The following DDX52 variants were observed in gnomAD, a reference collection of about 807,000 sequenced individuals.
The protein encoded by DDX52 is DExD-box helicase 52, also known as probable ATP-dependent RNA helicase DDX52.
Under a neutral mutation model 76.1 loss-of-function variants are expected in DDX52, and 59 were observed. The observed-to-expected ratio is 0.78, with a 90% CI of 0.63 to 0.96. The LOEUF (loss-of-function observed/expected upper bound fraction) is 0.96. Ranked by LOEUF, DDX52 falls within the 40% of genes least tolerant of loss-of-function variation. DDX52 has a pLI of 0.00. For synonymous variants in DDX52, 231 were observed against 244.1 expected (o/e 0.95, Z 0.50); for missense variants, 707 against 703.9 (o/e 1.00, Z -0.05).
At chr17:37,616,219 G>A (rs546904226) in intron 14 of DDX52, among the ~76,000 whole-genome samples, 1 of 152,268 alleles carries the variant, frequency 6.6e-6, no homozygotes, top group Admixed American at 6.5e-5. Context: ...CAGTTCTGAT[G>A]TGACCCACTC....
At chr17:37,640,688 A>G (rs1269063619) in intron 2 of DDX52, among the ~76,000 whole-genome samples, 4 of 61,112 alleles carry the variant, frequency 6.5e-5, no homozygotes, top group Non-Finnish European at 7.6e-5. Flanking sequence ...ACAGTACAAG[A>G]AAAAAAAAAA....
intron 5 of DDX52, among the ~76,000 whole-genome samples, chr17:37,629,080 G>A (rs557643826): frequency 8.2e-4 from 125 of 151,900 alleles, no homozygotes; most frequent in African/African-American, 3.0e-3. Flanking sequence ...AATTAGCCAG[G>A]TGTGATGGTG....
chr17:37,636,027 C>G (rs1189477196), intron 2 of DDX52, among the ~76,000 whole-genome samples: 1 of 152,138 alleles, frequency 6.6e-6, no homozygotes, highest in Non-Finnish European at 1.5e-5. Flanking sequence ...ATACATTTTG[C>G]AAATATTTTC....
chr17:37,621,961 T>C (rs528609713), intron 9 of DDX52, among the ~76,000 whole-genome samples: 105 of 152,306 alleles, frequency 6.9e-4, no homozygotes, highest in African/African-American at 2.5e-3. Flanking sequence ...CACAGATATA[T>C]TGCATACTGG....
In DDX52 at chr17:37,612,123, C is replaced by T. The variant is rs1466120098; in HGVS notation, c.*2173G>A. On this transcript the variant is annotated 3_prime_UTR_variant, in exon 15 of 15. Coordinates refer to ENST00000617633, the MANE Select transcript of DDX52 (RefSeq NM_007010.5). ...AGACAGTCTTGCCCTGTCGCCCAGG[C>T]TGGAGTGCAGTAGCGCGATCTCGGC... The T allele has an allele frequency of 1.3e-5, 2 of 151,884 alleles. No individual in the cohort carries two copies. Among genetic ancestry groups the T allele is most frequent in the Non-Finnish European group, 2.9e-5 (2 of 68,026 alleles). 9.4% of individuals were successfully genotyped at this position (151,884 alleles called of 1,614,324 possible).
At chr17:37,625,820 T>C in intron 8 of DDX52, 75 bp downstream of exon 8, 1 of 1,533,360 alleles carries the variant, frequency 6.5e-7, no homozygotes, top group Non-Finnish European at 9.0e-7. Flanking sequence ...AAGAAACCTA[T>C]CTCCTTCAGT....
At chr17:37,630,441 T>C (rs1247326375) in intron 4 of DDX52, among the ~76,000 whole-genome samples, 1 of 152,212 alleles carries the variant, frequency 6.6e-6, no homozygotes. Context: ...ACCTAAGTTA[T>C]ATCCATTATT....
At position 37,609,753 on chromosome 17, in the gene DDX52, G is replaced by A. The variant is rs1242290381; in HGVS notation, c.*4543C>T. ...CTGAGTCCTGATTTTTAAACTATAC[G>A]GTGGGTACACTGGTGTTCTTTTATT... On this transcript the variant is annotated 3_prime_UTR_variant, in exon 15 of 15. Coordinates refer to ENST00000617633, the MANE Select transcript of DDX52 (RefSeq NM_007010.5). 5.4e-6 allele frequency: 1 copy of A among 184,144 alleles called. No individual in the cohort carries two copies. The highest frequency in any genetic ancestry group is 1.3e-4 in the East Asian group (1 of 7,426). 11.4% of individuals were successfully genotyped at this position (184,144 alleles called of 1,614,324 possible). A position where few individuals can be genotyped will look rare whatever the true frequency, so the allele number is the denominator to read the frequency against.
At chr17:37,634,395 G>A (rs1295140881) in intron 2 of DDX52, among the ~76,000 whole-genome samples, 2 of 151,692 alleles carry the variant, frequency 1.3e-5, no homozygotes, top group East Asian at 3.9e-4. Flanking sequence ...ACTTTGGGAG[G>A]CCAAGGTGGG....
intron 13 of DDX52, among the ~76,000 whole-genome samples, chr17:37,619,366 A>AT (rs2029956359): frequency 6.6e-6 from 1 of 152,166 alleles, no homozygotes; most frequent in Non-Finnish European, 1.5e-5. Flanking sequence ...TAAATAAAGG[A>AT]TAAAAAACTG....
chr17:37,622,668 A>T (rs1192821151), intron 9 of DDX52, among the ~76,000 whole-genome samples: 1 of 152,198 alleles, frequency 6.6e-6, no homozygotes, highest in East Asian at 1.9e-4. Flanking sequence ...CTTTCTAATA[A>T]GTAACTACTC....
intron 2 of DDX52, among the ~76,000 whole-genome samples, chr17:37,640,495 C>T (rs763423232): frequency 2.6e-5 from 4 of 151,192 alleles, no homozygotes; most frequent in Non-Finnish European, 4.4e-5. Flanking sequence ...GAATAGTGTC[C>T]CCAGAAAAAT....
chr17:37,616,662 C>CAAAAAAAAAAAAAAA (rs1188716926), intron 14 of DDX52, among the ~76,000 whole-genome samples: 15 of 122,454 alleles, frequency 1.2e-4, no homozygotes, highest in African/African-American at 4.0e-4. Flanking sequence ...GACTCCATCT[C>CAAAAAAAAAAAAAAA]AAAAAAAAAA....
At chr17:37,621,949 TAC>T (rs1370366896) in intron 9 of DDX52, among the ~76,000 whole-genome samples, 1 of 152,202 alleles carries the variant, frequency 6.6e-6, no homozygotes, top group Non-Finnish European at 1.5e-5. Flanking sequence ...GCATTTGTGT[TAC>T]ACAGATATAT....
chr17:37,621,961 T>A (rs528609713), intron 9 of DDX52, among the ~76,000 whole-genome samples: 1 of 152,188 alleles, frequency 6.6e-6, no homozygotes, highest in Non-Finnish European at 1.5e-5. Flanking sequence ...CACAGATATA[T>A]TGCATACTGG....
chr17:37,630,312 T>A, intron 4 of DDX52, 139 bp from the exon 5 acceptor site: 1 of 972,674 alleles, frequency 1.0e-6, no homozygotes, highest in Non-Finnish European at 1.5e-6. Flanking sequence ...CATATCTGCT[T>A]TCCTAACATC....
rs1233305596 is a variant in DDX52 at position 37,611,924 on chromosome 17, A to G, written c.*2372T>C. 3 of 148,560 alleles carry G rather than the reference A, an allele frequency of 2.0e-5. No homozygotes were observed. The highest frequency in any genetic ancestry group is 3.0e-5 in the Non-Finnish European group (2 of 67,194). The allele number at this position is 148,560 out of a possible 1,614,324, so 9.2% of individuals were successfully genotyped here. A position where few individuals can be genotyped will look rare whatever the true frequency, so the allele number is the denominator to read the frequency against. ...TGCAGTGGGCCATGATTGTGCCACT[A>G]AACTCCAAATTAGGTAACAGACCCT... is the stretch of plus-strand genomic sequence containing the variant. On this transcript the variant is annotated 3_prime_UTR_variant, in exon 15 of 15. Coordinates refer to ENST00000617633, the MANE Select transcript of DDX52 (RefSeq NM_007010.5).
intron 12 of DDX52, 100 bp from the exon 13 acceptor site, chr17:37,619,939 A>T (rs573427376): frequency 1.2e-4 from 130 of 1,104,636 alleles, no homozygotes; most frequent in Non-Finnish European, 1.6e-4. Context: ...AAAACTACAC[A>T]AAGTAATCCA....
intron 2 of DDX52, among the ~76,000 whole-genome samples, chr17:37,639,255 G>GT (rs1188103198): frequency 6.6e-6 from 1 of 152,134 alleles, no homozygotes; most frequent in Non-Finnish European, 1.5e-5. Context: ...AGGGAACAAT[G>GT]TAATACAATA....
Sources: gnomAD v4.1 joint callset for allele counts (sites outside exome capture counted in the v4.1 genomes callset) on GRCh38, gnomAD v4.1.1 for gene constraint, MANE v1.5 for transcripts, NCBI Gene and HGNC (gene_info 2026-07-23, HGNC 2026-07-21) for gene names.